The following CALML4 variants were observed in gnomAD, a reference collection of about 807,000 sequenced individuals.
CALML4 encodes the protein calmodulin-like protein 4.
CALML4 carries 16 observed loss-of-function variants against 17.9 expected under a neutral mutation model. That is an observed-to-expected ratio of 0.89 (90% CI 0.61 to 1.36). The LOEUF is 1.36. CALML4 is among the 40% of genes most tolerant of loss of function. CALML4 has a pLI of 0.00. For synonymous variants in CALML4, 86 were observed against 71.5 expected (o/e 1.20, Z -1.02); for missense variants, 203 against 194.8 (o/e 1.04, Z -0.25).
Position 68,191,692 on chromosome 15 carries a change from T to C in CALML4, c.*2323A>G, listed in dbSNP as rs1339192524. On this transcript the variant is annotated 3_prime_UTR_variant, in exon 5 of 5. Coordinates refer to ENST00000467889, the MANE Select transcript of CALML4 (RefSeq NM_033429.3). Reference sequence around the variant, plus strand: ...TCTTTAATAAATCACAGCATCTGTTTAGTATCTGCAGTTTGAATGCTAAGA... The same window carrying C: ...TCTTTAATAAATCACAGCATCTGTTCAGTATCTGCAGTTTGAATGCTAAGA... 1.3e-5 allele frequency: 2 copies of C among 152,518 alleles called. No individual in the cohort carries two copies. Among genetic ancestry groups the C allele is most frequent in the East Asian group, 1.9e-4 (1 of 5,200 alleles). The allele number at this position is 152,518 out of a possible 1,614,324, so 9.4% of individuals were successfully genotyped here. A position where few individuals can be genotyped will look rare whatever the true frequency, so the allele number is the denominator to read the frequency against.
chr15:68,202,214 T>C (rs1838493245), intron 2 of CALML4, among the ~76,000 whole-genome samples: 1 of 152,244 alleles, frequency 6.6e-6, no homozygotes, highest in Non-Finnish European at 1.5e-5. Context: ...CCAGCTCTGA[T>C]CATAAATGTA....
At position 68,197,334 on chromosome 15, in the gene CALML4, A is replaced by G; in HGVS notation, c.364+106T>C. On this transcript the variant is annotated intron_variant, in intron 4 of 4. Transcript: ENST00000467889. The surrounding 1 kb of genome is among the most constrained non-coding windows in gnomAD (Gnocchi z 4.1). The stretch of plus-strand genomic sequence containing the variant: ...CTCACAGTCTCCTGCGCGCGCATCA[A>G]CAGAGGTGGTCTGTACCACCCTGGT... 1 of 1,084,452 alleles carries G rather than the reference A, an allele frequency of 9.2e-7. No homozygotes were observed. The highest frequency in any genetic ancestry group is 1.5e-5 in the South Asian group (1 of 65,516). 67.2% of individuals were successfully genotyped at this position (1,084,452 alleles called of 1,614,324 possible). A position where few individuals can be genotyped will look rare whatever the true frequency, so the allele number is the denominator to read the frequency against.
Position 68,194,089 on chromosome 15 carries a change from C to T in CALML4, c.388G>A (p.Asp130Asn). ...KEVDDLFREA[D>N]IEPNGKVKYD... ...TTCACTTTGCCATTGGGTTCGATAT[C>T]TGCTTCCCTGAAGAGATCATCCACT... Residue 130 changes from aspartate (D) to asparagine (N), a missense_variant, in exon 5 of 5, where the codon GAT becomes AAT. Asp to Asn is a conservative substitution (Grantham distance 23). Coordinates refer to ENST00000467889, the MANE Select transcript of CALML4 (RefSeq NM_033429.3). 1 of 1,613,772 alleles carries T rather than the reference C, an allele frequency of 6.2e-7. No homozygotes were observed. The highest frequency in any genetic ancestry group is 1.3e-5 in the African/African-American group (1 of 75,036).
rs370301216 is a variant in CALML4 at position 68,193,955 on chromosome 15, T to TA, written c.*59dup. 341 of 1,283,528 alleles carry TA rather than the reference T, an allele frequency of 2.7e-4. No individual in the cohort carries two copies. In the African/African-American group the frequency reaches 4.3e-3, roughly 16 times the overall value. The allele number at this position is 1,283,528 out of a possible 1,614,324, so 79.5% of individuals were successfully genotyped here. On this transcript the variant is annotated 3_prime_UTR_variant, in exon 5 of 5. Transcript: ENST00000467889. Reference sequence around the variant, plus strand: ...TCTCCCAAGTGAAAAGAACACTTTTTAAAAAAAATTAATTGCTCCAAGTTT... The same window carrying TA: ...TCTCCCAAGTGAAAAGAACACTTTTTAAAAAAAAATTAATTGCTCCAAGTTT...
rs1459456439 is a variant in CALML4 at position 68,197,610 on chromosome 15, T to C, written c.194A>G (p.Asp65Gly). 1 of 1,613,912 alleles carries C rather than the reference T, an allele frequency of 6.2e-7. No homozygotes were observed. The highest frequency in any genetic ancestry group is 8.5e-7 in the Non-Finnish European group (1 of 1,179,962). The change falls in exon 4 of 5, where the codon GAT becomes GGT. Residue 65 changes from aspartate to glycine, a missense_variant. By Grantham distance (94) the Asp-to-Gly change is moderately conservative (BLOSUM62 -1). Coordinates refer to ENST00000467889, the MANE Select transcript of CALML4 (RefSeq NM_033429.3). This position sits in a 1 kb window ranked among gnomAD's most constrained non-coding sequence, Gnocchi z 4.1. ...THGIDGNGELDFSTFLTIMHM... is the reference protein window; with the variant it reads ...THGIDGNGELGFSTFLTIMHM... ...CATAATGGTCAGAAAAGTGGAGAAATCCAGCTCTCCATTTCCGTCTAGGAA... is the reference window on the plus strand; with the variant it reads ...CATAATGGTCAGAAAAGTGGAGAAACCCAGCTCTCCATTTCCGTCTAGGAA...
chr15:68,205,116 C>A lies in CALML4; in HGVS notation c.34+5G>T. 1 of 1,614,046 alleles carries A rather than the reference C, an allele frequency of 6.2e-7. No individual in the cohort carries two copies. Among genetic ancestry groups the A allele is most frequent in the African/African-American group, 1.3e-5 (1 of 75,004 alleles). On this transcript the variant is annotated splice_donor_5th_base_variant and intron_variant, in intron 2 of 4. Coordinates refer to ENST00000467889, the MANE Select transcript of CALML4 (RefSeq NM_033429.3). The surrounding 1 kb of genome is among the most constrained non-coding windows in gnomAD (Gnocchi z 4.8). ...GTTGCTAATCAAAGAACAAACCCAA[C>A]CTACCATTAATTTGGTCTTGGGAAA...
At chr15:68,196,509 G>GTGGCCAAGCCCAGCTCTCC (rs1328101780) in intron 4 of CALML4, among the ~76,000 whole-genome samples, 4 of 152,262 alleles carry the variant, frequency 2.6e-5, no homozygotes, top group African/African-American at 9.6e-5. Context: ...GCACCCACTT[G>GTGGCCAAGCCCAGCTCTCC]TGGCCAAGCC....
At chr15:68,194,236 A>G (rs1434830330) in intron 4 of CALML4, 124 bp from the exon 5 acceptor site, 2 of 661,456 alleles carry the variant, frequency 3.0e-6, no homozygotes, top group East Asian at 5.4e-5. Context: ...ATTCCTGTAG[A>G]CCAGGAAGTA....
rs2093129638 is a variant in CALML4, at chr15:68,193,469, ATTG to A, written c.*543_*545del. Reference sequence around the variant, plus strand: ...TAAATGGGCCTCTGGCACTGCAAGAATTGTTGTCATAAGTGTTACAGCTTTCTG... The same window carrying A: ...TAAATGGGCCTCTGGCACTGCAAGAATTGTCATAAGTGTTACAGCTTTCTG... On this transcript the variant is annotated 3_prime_UTR_variant, in exon 5 of 5. Coordinates refer to ENST00000467889, the MANE Select transcript of CALML4 (RefSeq NM_033429.3). 1 of 152,760 alleles carries A rather than the reference ATTG, an allele frequency of 6.5e-6. No homozygotes were observed. The highest frequency in any genetic ancestry group is 1.5e-5 in the Non-Finnish European group (1 of 68,430). 9.5% of individuals were successfully genotyped at this position (152,760 alleles called of 1,614,324 possible).
At chr15:68,196,587 G>C (rs571480390) in intron 4 of CALML4, among the ~76,000 whole-genome samples, 3 of 152,312 alleles carry the variant, frequency 2.0e-5, no homozygotes, top group Admixed American at 6.5e-5. Flanking sequence ...CTAAGGTCGG[G>C]GTCCCTGGCC....
At chr15:68,203,838 C>T (rs1002831503) in intron 2 of CALML4, among the ~76,000 whole-genome samples, 1 of 152,202 alleles carries the variant, frequency 6.6e-6, no homozygotes, top group Non-Finnish European at 1.5e-5. Flanking sequence ...CTTTCACACA[C>T]TCATTAAACA....
At chr15:68,194,624 G>GCCATCCA (rs1352783383) in intron 4 of CALML4, among the ~76,000 whole-genome samples, 1 of 151,898 alleles carries the variant, frequency 6.6e-6, no homozygotes, top group Non-Finnish European at 1.5e-5. Flanking sequence ...CCTCAGGTGA[G>GCCATCCA]CCATCCACCT....
chr15:68,205,501 G>T, upstream of CALML4: 1 of 1,206,710 alleles, frequency 8.3e-7, no homozygotes, highest in Non-Finnish European at 1.2e-6. The surrounding 1 kb of genome is among the most constrained non-coding windows in gnomAD (Gnocchi z 4.8). Flanking sequence ...TGGGCTCAGA[G>T]TCTCTGCCTC....
intron 4 of CALML4, among the ~76,000 whole-genome samples, chr15:68,196,962 G>A (rs1184336965): frequency 2.1e-5 from 2 of 96,202 alleles, no homozygotes; most frequent in African/African-American, 8.6e-5. Flanking sequence ...TCGGAAACTC[G>A]ACCTCAGCAG....
chr15:68,193,750 G>T lies in CALML4; in HGVS notation c.*265C>A. On this transcript the variant is annotated 3_prime_UTR_variant, in exon 5 of 5. Transcript: ENST00000467889. ...AGAGCCAGGACTGGAACCCAGGCCA[G>T]ACTCCAAACCGCAGGCTCCTTCCAT... The T allele has an allele frequency of 2.7e-6, 1 of 372,066 alleles. No individual in the cohort carries two copies. The highest frequency in any genetic ancestry group is 4.8e-5 in the East Asian group (1 of 20,798). The allele number at this position is 372,066 out of a possible 1,614,324, so 23.0% of individuals were successfully genotyped here.
At position 68,199,690 on chromosome 15, in the gene CALML4, G is replaced by A. The variant is rs11071986; in HGVS notation, c.35-9C>T. The A allele has an allele frequency of 0.52, 837,936 of 1,609,930 alleles. 225,104 individuals are homozygous for A. The highest frequency in any genetic ancestry group is 0.56 in the Non-Finnish European group (660,594 of 1,178,378). On this transcript the variant is annotated splice_polypyrimidine_tract_variant and intron_variant, in intron 2 of 4. Transcript: ENST00000467889. ...GAAGCATTCCTTGTACTCTGCACAC[G>A]GCCCAGAGGGAGGGTCAGCAGCGTC...
At position 68,200,684 on chromosome 15, in the gene CALML4, C is replaced by T. The variant is rs374957091; in HGVS notation, c.35-1003G>A. 1.2e-4 allele frequency among the ~76,000 whole-genome samples: 19 copies of T among 152,208 alleles called. No individual in the cohort carries two copies. The East Asian group carries it at 2.3e-3, about 19-fold the overall frequency. ...GAGCCGTGGAAACACAGTGGCCTGG[C>T]GCTGGCCCTCCCAGGCTGGGGCTCA... On this transcript the variant is annotated intron_variant, in intron 2 of 4. Coordinates refer to ENST00000467889, the MANE Select transcript of CALML4 (RefSeq NM_033429.3). This position sits in a 1 kb window ranked among gnomAD's most constrained non-coding sequence, Gnocchi z 4.3.
Position 68,197,696 on chromosome 15 carries a change from C to T in CALML4, c.176-68G>A, listed in dbSNP as rs191415000. On this transcript the variant is annotated intron_variant, in intron 3 of 4. Transcript: ENST00000467889. The surrounding 1 kb of genome is among the most constrained non-coding windows in gnomAD (Gnocchi z 4.1). ...GACTCCTAGGAAGCCAGCTGGCCTC[C>T]TGCTGGACCTGCACAGCCGGTTCAA... is the stretch of plus-strand genomic sequence containing the variant. 2.1e-3 allele frequency: 2,989 copies of T among 1,438,666 alleles called. 95 individuals carry two copies. The Admixed American group carries it at 0.049, about 23-fold the overall frequency. The allele number at this position is 1,438,666 out of a possible 1,614,324, so 89.1% of individuals were successfully genotyped here. A position where few individuals can be genotyped will look rare whatever the true frequency, so the allele number is the denominator to read the frequency against.
chr15:68,200,611 C>A lies in CALML4; in HGVS notation c.35-930G>T, dbSNP rs1382379412. 2.0e-5 allele frequency among the ~76,000 whole-genome samples: 3 copies of A among 152,188 alleles called. No individual in the cohort carries two copies. Among genetic ancestry groups the A allele is most frequent in the Non-Finnish European group, 4.4e-5 (3 of 68,022 alleles). On this transcript the variant is annotated intron_variant, in intron 2 of 4. Coordinates refer to ENST00000467889, the MANE Select transcript of CALML4 (RefSeq NM_033429.3). The surrounding 1 kb of genome is among the most constrained non-coding windows in gnomAD (Gnocchi z 4.3). ...GGGGTAGGTGGGGCTGCCATCAGGA[C>A]AGGGAGATTCTCGTCCAGCCCAGAC...
Sources: allele counts gnomAD v4.1 joint callset (sites outside exome capture counted in the v4.1 genomes callset), GRCh38; gene constraint gnomAD v4.1.1; non-coding constraint Gnocchi (gnomAD v3.1); transcripts MANE v1.5; gene names NCBI Gene and HGNC (gene_info 2026-07-23, HGNC 2026-07-21).